Variants in EFHD2 observed in about 807,000 individuals in gnomAD.
The protein encoded by EFHD2 is EF-hand domain family member D2.
A neutral mutation model predicts 20.3 loss-of-function variants in EFHD2; 12 were observed. The ratio of observed to expected loss-of-function variants is 0.59; its 90% CI spans 0.38 to 0.96. The LOEUF is 0.96. Among genes scored for constraint, EFHD2 ranks in the 40% least tolerant of loss-of-function variants. The pLI is 0.00. For synonymous variants in EFHD2, 131 were observed against 143.9 expected, an observed-to-expected ratio of 0.91 and a Z score of 0.64; for missense variants, 250 against 334.3, an observed-to-expected ratio of 0.75 and a Z score of 1.97.
chr1:15,411,224 C>T (rs889993307), intron 1 of EFHD2, among the ~76,000 whole-genome samples: 3 of 151,198 alleles, frequency 2.0e-5, no homozygotes, highest in Non-Finnish European at 4.4e-5. Flanking sequence ...CCCACAGGGA[C>T]CCCCCATGTC....
At chr1:15,423,399 A>G (rs1160484631) in intron 1 of EFHD2, among the ~76,000 whole-genome samples, 1 of 152,190 alleles carries the variant, frequency 6.6e-6, no homozygotes, top group Non-Finnish European at 1.5e-5. Flanking sequence ...TGGCTCGTGA[A>G]CTATTTATAC....
chr1:15,420,901 C>G (rs1707778824), intron 1 of EFHD2, among the ~76,000 whole-genome samples: 1 of 152,138 alleles, frequency 6.6e-6, no homozygotes, highest in East Asian at 1.9e-4. Flanking sequence ...CTCAGCCTCC[C>G]AAAGTGCTGG....
intron 1 of EFHD2, among the ~76,000 whole-genome samples, chr1:15,423,345 C>G (rs987409260): frequency 1.3e-5 from 2 of 152,226 alleles, no homozygotes; most frequent in Non-Finnish European, 2.9e-5. Flanking sequence ...CTCCAGGGCT[C>G]CCAAGACCCA....
intron 1 of EFHD2, among the ~76,000 whole-genome samples, chr1:15,411,861 C>A (rs1056654003): frequency 6.6e-6 from 1 of 152,228 alleles, no homozygotes; most frequent in South Asian, 2.1e-4. Flanking sequence ...CAGGAAGGGG[C>A]GTTTTGCAAC....
At chr1:15,422,840 G>A (rs1037502100) in intron 1 of EFHD2, among the ~76,000 whole-genome samples, 12 of 152,110 alleles carry the variant, frequency 7.9e-5, no homozygotes, top group Admixed American at 3.3e-4. Context: ...CAGCCTGGGC[G>A]ACAGAGCGAG....
At chr1:15,412,352 A>C (rs182669351) in intron 1 of EFHD2, among the ~76,000 whole-genome samples, 8 of 152,256 alleles carry the variant, frequency 5.3e-5, no homozygotes, top group Admixed American at 5.2e-4. Flanking sequence ...CAGGTCCCTC[A>C]AACAGCCCTG....
chr1:15,416,971 A>G (rs967950102), intron 1 of EFHD2, among the ~76,000 whole-genome samples: 2 of 151,974 alleles, frequency 1.3e-5, no homozygotes, highest in Non-Finnish European at 2.9e-5. Flanking sequence ...CACCACATCC[A>G]GCTAATTTTT....
chr1:15,410,089 G>C lies in EFHD2; in HGVS notation c.118G>C (p.Ala40Pro). The change falls in exon 1 of 4, where the codon GCA becomes CCA. Residue 40 changes from alanine (A) to proline (P), a missense_variant. By Grantham distance (27) the Ala-to-Pro change is conservative. Transcript: ENST00000375980. The stretch of plus-strand genomic sequence containing the variant: ...CGGGGCAGCGGCGGCGGCGGCGGGG[G>C]CACCCGACGAGGCGGCCGAGGCGCT... ...LNGAAAAAAG[A>P]PDEAAEALGS... 7.0e-7 allele frequency: 1 copy of C among 1,423,112 alleles called. No individual in the cohort carries two copies. Among genetic ancestry groups the C allele is most frequent in the Non-Finnish European group, 9.1e-7 (1 of 1,093,728 alleles). The allele number at this position is 1,423,112 out of a possible 1,614,324, so 88.2% of individuals were successfully genotyped here. A position where few individuals can be genotyped will look rare whatever the true frequency, so the allele number is the denominator to read the frequency against.
At chr1:15,428,351 G>T (rs1444371048) in intron 3 of EFHD2, among the ~76,000 whole-genome samples, 1 of 152,132 alleles carries the variant, frequency 6.6e-6, no homozygotes, top group African/African-American at 2.4e-5. Flanking sequence ...ACCAAAATTA[G>T]CCGGGCATGG....
rs1707921404 is a variant in EFHD2, at chr1:15,429,027, C to T, written c.*303C>T. ...CTGCCTGCTCCGGCACTGCCCCAGGCCCAGCTCCTGGCCCTAGGTCCCTCC... is the reference window on the plus strand; with the variant it reads ...CTGCCTGCTCCGGCACTGCCCCAGGTCCAGCTCCTGGCCCTAGGTCCCTCC... On this transcript the variant is annotated 3_prime_UTR_variant, in exon 4 of 4. Coordinates refer to ENST00000375980, the MANE Select transcript of EFHD2 (RefSeq NM_024329.6). 2.7e-6 allele frequency: 1 copy of T among 370,926 alleles called. No individual in the cohort carries two copies. The highest frequency in any genetic ancestry group is 9.0e-4 in the Middle Eastern group (1 of 1,114). 23.0% of individuals were successfully genotyped at this position (370,926 alleles called of 1,614,324 possible). A position where few individuals can be genotyped will look rare whatever the true frequency, so the allele number is the denominator to read the frequency against.
chr1:15,427,504 T>C (rs930365006), intron 3 of EFHD2, among the ~76,000 whole-genome samples: 1 of 151,310 alleles, frequency 6.6e-6, no homozygotes, highest in African/African-American at 2.4e-5. Flanking sequence ...GTGAGGGGGG[T>C]GTACTCTTGA....
chr1:15,409,894 C>G lies in EFHD2; in HGVS notation c.-78C>G. ...GGGCGGTGCCTGGCCCGGGGAGTGT[C>G]AGGAAGAGGAAGAGCGCGGCCGGCG... On this transcript the variant is annotated 5_prime_UTR_variant, in exon 1 of 4. Transcript: ENST00000375980. 1 of 1,186,654 alleles carries G rather than the reference C, an allele frequency of 8.4e-7. No individual in the cohort carries two copies. Among genetic ancestry groups the G allele is most frequent in the East Asian group, 3.7e-5 (1 of 26,784 alleles). 73.5% of individuals were successfully genotyped at this position (1,186,654 alleles called of 1,614,324 possible).
intron 2 of EFHD2, 144 bp from the exon 3 acceptor site, chr1:15,427,006 G>A (rs540241960): frequency 2.2e-4 from 249 of 1,113,162 alleles, no homozygotes; most frequent in Non-Finnish European, 2.8e-4. Flanking sequence ...GCTCACGGGA[G>A]CAGCAAGGGG....
In EFHD2 at chr1:15,429,035, C is replaced by T. The variant is rs529701075; in HGVS notation, c.*311C>T. The T allele has an allele frequency of 1.4e-4, 51 of 361,618 alleles. No homozygotes were observed. The highest frequency in any genetic ancestry group is 1.2e-3 in the South Asian group (50 of 41,588). The allele number at this position is 361,618 out of a possible 1,614,324, so 22.4% of individuals were successfully genotyped here. A position where few individuals can be genotyped will look rare whatever the true frequency, so the allele number is the denominator to read the frequency against. On this transcript the variant is annotated 3_prime_UTR_variant, in exon 4 of 4. Coordinates refer to ENST00000375980, the MANE Select transcript of EFHD2 (RefSeq NM_024329.6). Reference sequence around the variant, plus strand: ...TCCGGCACTGCCCCAGGCCCAGCTCCTGGCCCTAGGTCCCTCCCAGCCCCA... The same window carrying T: ...TCCGGCACTGCCCCAGGCCCAGCTCTTGGCCCTAGGTCCCTCCCAGCCCCA...
chr1:15,428,989 C>G lies in EFHD2; in HGVS notation c.*265C>G, dbSNP rs1339806954. The G allele has an allele frequency of 2.2e-6, 1 of 456,148 alleles. No individual in the cohort carries two copies. The highest frequency in any genetic ancestry group is 4.0e-6 in the Non-Finnish European group (1 of 248,716). The allele number at this position is 456,148 out of a possible 1,614,324, so 28.3% of individuals were successfully genotyped here. A position where few individuals can be genotyped will look rare whatever the true frequency, so the allele number is the denominator to read the frequency against. On this transcript the variant is annotated 3_prime_UTR_variant, in exon 4 of 4. Coordinates refer to ENST00000375980, the MANE Select transcript of EFHD2 (RefSeq NM_024329.6). ...TGGCAATCCCTGGGCTCTCTTGCAC[C>G]CCTAACTGCCCCCTGCCTGCTCCGG...
Position 15,409,988 on chromosome 1 carries a change from T to G in EFHD2, c.17T>G (p.Leu6Arg). MATDE[L>R]ATKLSRRLQM... The stretch of plus-strand genomic sequence containing the variant: ...CGGGCCACCATGGCCACGGACGAGC[T>G]GGCCACCAAGCTGAGCCGGCGGCTG... The change falls in exon 1 of 4, where the codon CTG (leucine) becomes CGG (arginine). Residue 6 changes from leucine to arginine, a missense_variant. Transcript: ENST00000375980. 1 of 1,248,236 alleles carries G rather than the reference T, an allele frequency of 8.0e-7. No homozygotes were observed. The highest frequency in any genetic ancestry group is 1.0e-6 in the Non-Finnish European group (1 of 1,000,316). The allele number at this position is 1,248,236 out of a possible 1,614,324, so 77.3% of individuals were successfully genotyped here.
chr1:15,417,985 T>TTC (rs201046155), intron 1 of EFHD2, among the ~76,000 whole-genome samples: 20,278 of 116,220 alleles, frequency 0.17, 1,805 homozygotes, highest in African/African-American at 0.26. Context: ...CTTTTTCTTT[T>TTC]TTTTTTTTTT....
At chr1:15,427,950 G>T in intron 3 of EFHD2, 1 of 470,608 alleles carries the variant, frequency 2.1e-6, no homozygotes, top group Non-Finnish European at 4.4e-6. Flanking sequence ...GGATCAGGAT[G>T]GCAGCAGCTT....
chr1:15,425,985 T>C lies in EFHD2; in HGVS notation c.423T>C (p.Asp141=), dbSNP rs1460253196. ...TGAAAAACATGATCAAGGAGGTGGA[T>C]GAGGACTTTGACAGCAAGCTGAGCT... is the stretch of plus-strand genomic sequence containing the variant. The part of the protein sequence containing the change: ...LGLKNMIKEV[D]EDFDSKLSFR... The change falls in exon 2 of 4, where the codon GAT becomes GAC. Residue 141 remains aspartate (D), a synonymous_variant. Coordinates refer to ENST00000375980, the MANE Select transcript of EFHD2 (RefSeq NM_024329.6). The C allele has an allele frequency of 6.3e-7, 1 of 1,593,508 alleles. No homozygotes were observed. Among genetic ancestry groups the C allele is most frequent in the African/African-American group, 1.4e-5 (1 of 73,376 alleles).
Sources: allele counts gnomAD v4.1 joint callset (sites outside exome capture counted in the v4.1 genomes callset), GRCh38; gene constraint gnomAD v4.1.1; transcripts MANE v1.5; gene names NCBI Gene and HGNC (gene_info 2026-07-23, HGNC 2026-07-21).